ULK4: variants seen among roughly 807,000 people sequenced by gnomAD.
ULK4 encodes the protein inactive serine/threonine-protein kinase ULK4.
A neutral mutation model predicts 160.6 loss-of-function variants in ULK4; 133 were observed. The observed-to-expected ratio is 0.83, with a 90% CI of 0.72 to 0.96. The LOEUF is 0.96. ULK4 is among the 40% of genes least tolerant of loss of function. The pLI, the probability that ULK4 is intolerant of heterozygous loss-of-function variation, is 0.00. For missense variants in ULK4, 1,580 were observed against 1,499.5 expected (o/e 1.05, Z -0.89); for synonymous variants, 534 against 539.8 (o/e 0.99, Z 0.15).
chr3:41,869,363 C>T (rs1339426497), intron 17 of ULK4, among the ~76,000 whole-genome samples: 1 of 151,978 alleles, frequency 6.6e-6, no homozygotes, highest in Non-Finnish European at 1.5e-5. Flanking sequence ...TCACCTGAGG[C>T]CAGGAGTTCA....
chr3:41,291,763 G>T (rs2125703493), intron 35 of ULK4, among the ~76,000 whole-genome samples: 1 of 152,220 alleles, frequency 6.6e-6, no homozygotes, highest in Admixed American at 6.5e-5. Flanking sequence ...TTGTCAGCCT[G>T]GGTGCTGCTG....
chr3:41,432,104 A>G (rs2082927995), intron 34 of ULK4, among the ~76,000 whole-genome samples: 1 of 152,110 alleles, frequency 6.6e-6, no homozygotes, highest in Admixed American at 6.6e-5. Flanking sequence ...GCTCCATGCT[A>G]TTACGTGATT....
chr3:41,912,832 A>C lies in ULK4; in HGVS notation c.871T>G (p.Ser291Ala). 6.2e-7 allele frequency: 1 copy of C among 1,614,148 alleles called. No homozygotes were observed. Residue 291 changes from serine (S) to alanine (A), a missense_variant, in exon 9 of 37, where the codon TCA becomes GCA. Coordinates refer to ENST00000301831, the MANE Select transcript of ULK4 (RefSeq NM_017886.4). ...CTGAGACTGAGATCTTCGACGCTTG[A>C]TTCCTGATCTGCTCCAGCAAAAGCT... ...KKAFAGADQE[S>A]SVEDLSLSRN...
intron 34 of ULK4, among the ~76,000 whole-genome samples, chr3:41,451,124 G>A (rs1343139813): frequency 1.3e-5 from 2 of 152,122 alleles, no homozygotes; most frequent in African/African-American, 4.8e-5. Flanking sequence ...AATTCCAGGA[G>A]AAAGGCGGGA....
intron 31 of ULK4, among the ~76,000 whole-genome samples, chr3:41,589,381 T>C (rs765549323): frequency 1.5e-5 from 2 of 137,224 alleles, no homozygotes; most frequent in Non-Finnish European, 3.1e-5. Context: ...CAGTGGATTT[T>C]TGAAATCAAT....
At chr3:41,622,060 G>A (rs559967831) in intron 30 of ULK4, among the ~76,000 whole-genome samples, 1 of 152,252 alleles carries the variant, frequency 6.6e-6, no homozygotes, top group East Asian at 1.9e-4. Flanking sequence ...ATCACAATGA[G>A]ATACCATCTC....
intron 35 of ULK4, among the ~76,000 whole-genome samples, chr3:41,359,061 C>T (rs1203283131): frequency 6.6e-6 from 1 of 152,202 alleles, no homozygotes; most frequent in Non-Finnish European, 1.5e-5. Flanking sequence ...TGTTCCCTCA[C>T]TCCCTTCAGG....
intron 34 of ULK4, among the ~76,000 whole-genome samples, chr3:41,418,854 G>A (rs769887293): frequency 1.4e-4 from 22 of 152,224 alleles, no homozygotes; most frequent in African/African-American, 4.8e-4. Context: ...TCTCACTCTA[G>A]AGGGGCTGGC....
intron 30 of ULK4, among the ~76,000 whole-genome samples, chr3:41,661,723 G>A (rs900509858): frequency 1.3e-5 from 2 of 152,070 alleles, no homozygotes; most frequent in Non-Finnish European, 2.9e-5. Context: ...GGCAAAAACA[G>A]TATATTCAAA....
At chr3:41,254,397 G>A (rs984809590) in intron 35 of ULK4, among the ~76,000 whole-genome samples, 15 of 152,184 alleles carry the variant, frequency 9.9e-5, no homozygotes, top group Non-Finnish European at 2.2e-4. Flanking sequence ...TAATCCAAGG[G>A]TTAAAGAGGA....
intron 18 of ULK4, among the ~76,000 whole-genome samples, chr3:41,829,536 A>C (rs1165239638): frequency 1.3e-5 from 2 of 152,218 alleles, no homozygotes; most frequent in Non-Finnish European, 2.9e-5. Context: ...CAAAAGACAC[A>C]TGAAAAAATG....
intron 35 of ULK4, among the ~76,000 whole-genome samples, chr3:41,253,507 A>G (rs989228349): frequency 6.6e-6 from 1 of 151,908 alleles, no homozygotes; most frequent in Admixed American, 6.5e-5. Flanking sequence ...AAAATTATAC[A>G]AAGAGATGTA....
intron 35 of ULK4, among the ~76,000 whole-genome samples, chr3:41,283,759 G>A (rs529770400): frequency 4.0e-5 from 6 of 151,756 alleles, no homozygotes; most frequent in South Asian, 2.1e-4. Flanking sequence ...AAACCTGCAC[G>A]TTTTGCACAT....
intron 1 of ULK4, among the ~76,000 whole-genome samples, chr3:41,961,724 AAAGCACATCTCCCAAGCCGAAACACAC>A (rs1240155246): frequency 6.6e-6 from 1 of 152,138 alleles, no homozygotes; most frequent in Non-Finnish European, 1.5e-5. Context: ...TGGCGTCCAT[AAAGCACATCTCCCAAGCCGAAACACAC>A]AAGCACTCTC....
At chr3:41,270,224 G>A (rs2079116268) in intron 35 of ULK4, among the ~76,000 whole-genome samples, 1 of 152,144 alleles carries the variant, frequency 6.6e-6, no homozygotes, top group South Asian at 2.1e-4. Flanking sequence ...ACAGTCAGGC[G>A]GGGGAGGATA....
intron 34 of ULK4, among the ~76,000 whole-genome samples, chr3:41,433,442 C>T (rs2082959951): frequency 6.6e-6 from 1 of 152,192 alleles, no homozygotes; most frequent in Admixed American, 6.5e-5. Flanking sequence ...ACTAAAAATT[C>T]ACAACCTTTT....
chr3:41,288,216 A>G (rs2079498519), intron 35 of ULK4, among the ~76,000 whole-genome samples: 1 of 151,908 alleles, frequency 6.6e-6, no homozygotes, highest in South Asian at 2.1e-4. Context: ...GTGACCATTA[A>G]AAAAAAATTA....
chr3:41,322,831 A>G (rs1234859588), intron 35 of ULK4, among the ~76,000 whole-genome samples: 2 of 152,232 alleles, frequency 1.3e-5, no homozygotes, highest in Non-Finnish European at 2.9e-5. Flanking sequence ...TTCAAAAATT[A>G]TGGTGAGAAC....
chr3:41,407,823 A>T (rs77816894), intron 34 of ULK4, among the ~76,000 whole-genome samples: 4,634 of 152,256 alleles, frequency 0.03, 232 homozygotes, highest in African/African-American at 0.1. Context: ...CACTCTTCCC[A>T]TATTCATCAT....
Sources: allele counts gnomAD v4.1 joint callset (sites outside exome capture counted in the v4.1 genomes callset), GRCh38; gene constraint gnomAD v4.1.1; transcripts MANE v1.5; gene names NCBI Gene and HGNC (gene_info 2026-07-23, HGNC 2026-07-21).